DIPK1A: variants seen among roughly 807,000 people sequenced by gnomAD.
The protein encoded by DIPK1A is divergent protein kinase domain 1A, also known as family with sequence similarity 69 member A.
Under a neutral mutation model 40.8 loss-of-function variants are expected in DIPK1A, and 27 were observed. The observed-to-expected ratio is 0.66, with a 90% confidence interval of 0.49 to 0.91. The LOEUF (loss-of-function observed/expected upper bound fraction) is 0.91. Ranked by LOEUF, DIPK1A falls within the 40% of genes least tolerant of loss-of-function variation. The probability of loss-of-function intolerance (pLI) is 0.00; values close to 1 mark genes in which losing one functional copy is unlikely to be tolerated. For missense variants in DIPK1A, 412 were observed against 505.7 expected (o/e 0.81, Z 1.78); for synonymous variants, 166 against 171.3 (o/e 0.97, Z 0.24).
At chr1:92,880,817 C>A (rs1237020502) in intron 1 of DIPK1A, among the ~76,000 whole-genome samples, 1 of 151,908 alleles carries the variant, frequency 6.6e-6, no homozygotes, top group Non-Finnish European at 1.5e-5. Context: ...TTGCCTTGAG[C>A]TGAGATCGCA....
chr1:92,958,999 G>A (rs377480878), intron 1 of DIPK1A, among the ~76,000 whole-genome samples: 1 of 152,180 alleles, frequency 6.6e-6, no homozygotes, highest in South Asian at 2.1e-4. Context: ...AAAATACTTT[G>A]GTTCAGCCAG....
downstream of DIPK1A, among the ~76,000 whole-genome samples, chr1:92,838,344 T>A (rs970995338): frequency 6.6e-5 from 10 of 152,238 alleles, no homozygotes; most frequent in Non-Finnish European, 1.5e-4. Flanking sequence ...CTGCGTTATA[T>A]TTCTTTGTTA....
intron 1 of DIPK1A, among the ~76,000 whole-genome samples, chr1:92,939,194 G>T (rs963560211): frequency 6.6e-6 from 1 of 152,070 alleles, no homozygotes; most frequent in Non-Finnish European, 1.5e-5. Flanking sequence ...GAGTCACCAC[G>T]CCTGGCCTTC....
chr1:92,944,739 T>G (rs1435509732), intron 1 of DIPK1A, among the ~76,000 whole-genome samples: 1 of 152,152 alleles, frequency 6.6e-6, no homozygotes. Flanking sequence ...TTCACGGGAT[T>G]CTTCCACCTT....
At chr1:92,920,156 C>A (rs756860364) in intron 1 of DIPK1A, among the ~76,000 whole-genome samples, 18 of 152,156 alleles carry the variant, frequency 1.2e-4, no homozygotes, top group Non-Finnish European at 2.1e-4. Context: ...AAAATTATAT[C>A]CAAGTGATAT....
intron 1 of DIPK1A, among the ~76,000 whole-genome samples, chr1:92,944,722 TCCTGGG>T (rs2100898202): frequency 6.6e-6 from 1 of 152,284 alleles, no homozygotes; most frequent in Non-Finnish European, 1.5e-5. Context: ...AGCTTCCACC[TCCTGGG>T]TTCACGGGAT....
exon 5 of DIPK1A, chr1:92,832,893 C>T (rs771619017): frequency 2.5e-4 from 164 of 647,002 alleles, no homozygotes; most frequent in Non-Finnish European, 3.7e-4. Flanking sequence ...ACATGGGAAG[C>T]GAGAGAGGTA....
intron 2 of DIPK1A, among the ~76,000 whole-genome samples, chr1:92,853,966 A>G (rs1687904296): frequency 6.6e-6 from 1 of 152,166 alleles, no homozygotes; most frequent in Non-Finnish European, 1.5e-5. Flanking sequence ...GGCTCACCAC[A>G]GCCTCGATCT....
intron 1 of DIPK1A, among the ~76,000 whole-genome samples, chr1:92,922,403 C>T (rs1272310106): frequency 6.7e-6 from 1 of 149,882 alleles, no homozygotes; most frequent in East Asian, 1.9e-4. Flanking sequence ...TAAATAATGC[C>T]TCAGGGAGAG....
At chr1:92,915,894 A>C (rs1650034566) in intron 1 of DIPK1A, among the ~76,000 whole-genome samples, 1 of 152,240 alleles carries the variant, frequency 6.6e-6, no homozygotes, top group Non-Finnish European at 1.5e-5. Context: ...TAGATAAAAA[A>C]AATAAGGTAT....
chr1:92,835,206 T>C (rs1225316795), intron 4 of DIPK1A: 2 of 475,214 alleles, frequency 4.2e-6, no homozygotes, highest in Non-Finnish European at 7.7e-6. Context: ...AGCTAGTGTC[T>C]ACTTAATTGG....
Position 92,843,790 on chromosome 1 carries a change from C to T in DIPK1A, c.880G>A (p.Asp294Asn), listed in dbSNP as rs1571044656. The change falls in exon 5 of 5, where the codon GAT (aspartate) becomes AAT (asparagine). Residue 294 changes from aspartate (D) to asparagine (N), a missense_variant. Transcript: ENST00000370310. ...TATCCTAGGTTTTTGGCACTAGTATCGCACATGAGGAAATTTCCGTAGGGG... is the reference window on the plus strand; with the variant it reads ...TATCCTAGGTTTTTGGCACTAGTATTGCACATGAGGAAATTTCCGTAGGGG... ...HGPYGNFLMC[D>N]TSAKNLGYND... 6 of 1,551,842 alleles carry T rather than the reference C, an allele frequency of 3.9e-6. No individual in the cohort carries two copies. The highest frequency in any genetic ancestry group is 2.4e-5 in the East Asian group (1 of 40,926).
intron 2 of DIPK1A, among the ~76,000 whole-genome samples, chr1:92,870,071 T>TACAC (rs1491483682): frequency 3.6e-4 from 11 of 30,336 alleles, no homozygotes; most frequent in African/African-American, 7.3e-4. Context: ...ACATGAATTA[T>TACAC]ATATACACAC....
At chr1:92,842,102 A>G (rs554836367), downstream of DIPK1A, 1 of 794,216 alleles carries the variant, frequency 1.3e-6, no homozygotes, top group African/African-American at 1.8e-5. Context: ...ATTATCCCTT[A>G]TGTTGTATGA....
At chr1:92,866,557 TC>T (rs759408090) in intron 2 of DIPK1A, among the ~76,000 whole-genome samples, 23 of 152,240 alleles carry the variant, frequency 1.5e-4, no homozygotes, top group Non-Finnish European at 3.1e-4. Context: ...GATGTGATGG[TC>T]TTTTGATCTG....
At chr1:92,866,077 G>T (rs1041649840) in intron 2 of DIPK1A, among the ~76,000 whole-genome samples, 20 of 151,954 alleles carry the variant, frequency 1.3e-4, no homozygotes, top group African/African-American at 4.3e-4. Flanking sequence ...GATATAAAAA[G>T]AAACCTCCAA....
chr1:92,835,772 C>T (rs1687098820), intron 4 of DIPK1A, among the ~76,000 whole-genome samples: 1 of 151,578 alleles, frequency 6.6e-6, no homozygotes, highest in Non-Finnish European at 1.5e-5. Flanking sequence ...GGGATTTTGC[C>T]TTGTTTTTAT....
chr1:92,924,763 T>G (rs1270849711), intron 1 of DIPK1A, among the ~76,000 whole-genome samples: 2 of 152,240 alleles, frequency 1.3e-5, no homozygotes, highest in Non-Finnish European at 2.9e-5. Context: ...CAGGAGCACT[T>G]GTGAGTTTGC....
At chr1:92,846,823 A>ATG (rs1388942505) in intron 4 of DIPK1A, among the ~76,000 whole-genome samples, 1 of 3,912 alleles carries the variant, frequency 2.6e-4, no homozygotes, top group African/African-American at 1.4e-3. Context: ...ATATATATAT[A>ATG]TATATATATA....
Sources: allele counts gnomAD v4.1 joint callset (sites outside exome capture counted in the v4.1 genomes callset), GRCh38; gene constraint gnomAD v4.1.1; transcripts MANE v1.5; gene names NCBI Gene and HGNC (gene_info 2026-07-23, HGNC 2026-07-21).